Variants in KIAA0753 observed in about 807,000 individuals in gnomAD.
The protein encoded by KIAA0753 is KIAA0753, also known as protein moonraker.
Under a neutral mutation model 116.9 loss-of-function variants are expected in KIAA0753, and 114 were observed. That is an observed-to-expected ratio of 0.98 (90% CI 0.84 to 1.14). KIAA0753 has a LOEUF of 1.14. KIAA0753 is among the 50% of genes most tolerant of loss of function. The pLI, the probability that KIAA0753 is intolerant of heterozygous loss-of-function variation, is 0.00. For synonymous variants in KIAA0753, 405 were observed against 413.1 expected (o/e 0.98, Z 0.24); for missense variants, 1,156 against 1,172.4 (o/e 0.99, Z 0.20).
At chr17:6,623,748 G>A in intron 4 of KIAA0753, 177 bp from the exon 5 acceptor site, 1 of 800,706 alleles carries the variant, frequency 1.2e-6, no homozygotes, top group Non-Finnish European at 1.8e-6. Flanking sequence ...CTGGTTTCCA[G>A]TTCAAGATAG....
chr17:6,625,143 C>T (rs1185113938), intron 3 of KIAA0753, among the ~76,000 whole-genome samples: 2 of 152,220 alleles, frequency 1.3e-5, no homozygotes, highest in Admixed American at 6.5e-5. Flanking sequence ...CACTATGAGG[C>T]ACCTCTTACT....
chr17:6,598,356 T>C (rs1226835333), intron 14 of KIAA0753, among the ~76,000 whole-genome samples: 1 of 152,234 alleles, frequency 6.6e-6, no homozygotes, highest in Admixed American at 6.5e-5. Flanking sequence ...GATTATGTCA[T>C]AAAACCTTGG....
intron 8 of KIAA0753, among the ~76,000 whole-genome samples, chr17:6,610,461 CAA>C (rs1400743531): frequency 6.9e-6 from 1 of 145,216 alleles, no homozygotes; most frequent in Non-Finnish European, 1.5e-5. Context: ...CCTAATTAAA[CAA>C]AAAAAATTTC....
chr17:6,590,804 A>G (rs1421310926), intron 16 of KIAA0753, among the ~76,000 whole-genome samples, 174 bp from the exon 17 acceptor site: 5 of 152,166 alleles, frequency 3.3e-5, no homozygotes, highest in Admixed American at 3.3e-4. Flanking sequence ...AGGTGAATTT[A>G]TATGTTACAA....
intron 17 of KIAA0753, among the ~76,000 whole-genome samples, 183 bp from the exon 18 acceptor site, chr17:6,590,186 T>C (rs1037581485): frequency 1.3e-5 from 2 of 152,184 alleles, no homozygotes; most frequent in African/African-American, 4.8e-5. Context: ...ACCCTCAACA[T>C]GTGGGACTAT....
intron 18 of KIAA0753, among the ~76,000 whole-genome samples, chr17:6,581,073 C>G (rs926948364): frequency 6.6e-6 from 1 of 152,206 alleles, no homozygotes; most frequent in Non-Finnish European, 1.5e-5. Context: ...ACAGGCCTAT[C>G]TATCTACAGG....
At chr17:6,609,755 T>G (rs567361319) in intron 9 of KIAA0753, among the ~76,000 whole-genome samples, 1 of 152,246 alleles carries the variant, frequency 6.6e-6, no homozygotes, top group East Asian at 1.9e-4. Flanking sequence ...CAATCACACA[T>G]GTCCCGGTGT....
At chr17:6,623,428 G>T in intron 5 of KIAA0753, 81 bp downstream of exon 5, 1 of 1,107,974 alleles carries the variant, frequency 9.0e-7, no homozygotes, top group Non-Finnish European at 1.3e-6. Flanking sequence ...CATTAGTGCA[G>T]AGGGCCCTAC....
intron 18 of KIAA0753, among the ~76,000 whole-genome samples, chr17:6,587,687 G>A (rs73342610): frequency 0.023 from 3,558 of 152,240 alleles, 156 homozygotes; most frequent in African/African-American, 0.081. Flanking sequence ...CCAGAACAAA[G>A]CATCTTATAT....
In KIAA0753 at chr17:6,612,009, G is replaced by A. The variant is rs369191681; in HGVS notation, c.1455C>T (p.Ala485=). The A allele has an allele frequency of 4.2e-5, 67 of 1,613,942 alleles. No homozygotes were observed. Among genetic ancestry groups the A allele is most frequent in the Middle Eastern group, 1.6e-4 (1 of 6,084 alleles). The change falls in exon 8 of 19, where the codon GCC becomes GCT. Residue 485 remains alanine (A), a synonymous_variant. Coordinates refer to ENST00000361413, the MANE Select transcript of KIAA0753 (RefSeq NM_014804.3). Reference sequence around the variant, plus strand: ...TTTTCCCTGCTTTTGTTTTTGCCACGGCTAACACCTCGTCTTTGAAGCTTG... The same window carrying A: ...TTTTCCCTGCTTTTGTTTTTGCCACAGCTAACACCTCGTCTTTGAAGCTTG... ...QSASFKDEVL[A]VAKTKAGKKK...
intron 3 of KIAA0753, among the ~76,000 whole-genome samples, chr17:6,626,425 G>A (rs1293485513): frequency 6.6e-6 from 1 of 152,218 alleles, no homozygotes; most frequent in Non-Finnish European, 1.5e-5. Flanking sequence ...TACAGATGCA[G>A]TCTCAAGAGA....
intron 4 of KIAA0753, 43 bp from the exon 5 acceptor site, chr17:6,623,614 T>C (rs1971470448): frequency 1.9e-6 from 3 of 1,581,410 alleles, no homozygotes; most frequent in Non-Finnish European, 2.6e-6. Context: ...TACCTTTCCA[T>C]TGATCTTTTT....
chr17:6,586,760 C>T (rs1400397729), intron 18 of KIAA0753, among the ~76,000 whole-genome samples: 2 of 152,110 alleles, frequency 1.3e-5, no homozygotes, highest in Admixed American at 6.6e-5. Context: ...GTTTATATCA[C>T]CTGCTCAAGC....
rs1455443277 is a variant in KIAA0753, at chr17:6,620,869, C to A, written c.1234G>T (p.Gly412Cys). 4 of 1,614,028 alleles carry A rather than the reference C, an allele frequency of 2.5e-6. No homozygotes were observed. The African/African-American group carries it at 5.3e-5, about 22-fold the overall frequency. ...TTTGCTGTGAGGGGCCTCCTCTCAC[C>A]CTTTGGTGATGTACTTGGCCATCTC... ...LERWPSTSPK[G>C]ERRPLTAKDT... The change falls in exon 7 of 19, where the codon GGT becomes TGT. Residue 412 changes from glycine to cysteine, a missense_variant. By Grantham distance (159) the Gly-to-Cys change is radical. Coordinates refer to ENST00000361413, the MANE Select transcript of KIAA0753 (RefSeq NM_014804.3).
Position 6,596,152 on chromosome 17 carries a change from C to T in KIAA0753, c.2358+6G>A. 1 of 1,612,330 alleles carries T rather than the reference C, an allele frequency of 6.2e-7. No homozygotes were observed. Among genetic ancestry groups the T allele is most frequent in the East Asian group, 2.2e-5 (1 of 44,836 alleles). On this transcript the variant is annotated splice_donor_region_variant and intron_variant, in intron 15 of 18. Coordinates refer to ENST00000361413, the MANE Select transcript of KIAA0753 (RefSeq NM_014804.3). ...AGCGAACCAGACCCGGAGCCCCAGA[C>T]CTTACTTCCATCTCTTCCATTCGGC...
Position 6,628,517 on chromosome 17 carries a change from T to A in KIAA0753, c.318A>T (p.Arg106Ser). The A allele has an allele frequency of 6.2e-7, 1 of 1,614,248 alleles. No individual in the cohort carries two copies. Among genetic ancestry groups the A allele is most frequent in the Non-Finnish European group, 8.5e-7 (1 of 1,180,046 alleles). ...RLSYAVHLAR[R>S]DVKRRQFEKH... is the part of the protein sequence containing the mutation. ...TTTCAAATTGTCTTCGTTTCACATCTCTTCTGGCTAGGTGGACAGCATAGC... is the reference window on the plus strand; with the variant it reads ...TTTCAAATTGTCTTCGTTTCACATCACTTCTGGCTAGGTGGACAGCATAGC... Residue 106 changes from arginine to serine, a missense_variant, in exon 3 of 19, where the codon AGA (arginine) becomes AGT (serine). Arg to Ser is a moderately radical substitution (Grantham distance 110). Coordinates refer to ENST00000361413, the MANE Select transcript of KIAA0753 (RefSeq NM_014804.3).
intron 2 of KIAA0753, among the ~76,000 whole-genome samples, chr17:6,631,140 C>A: frequency 6.6e-6 from 1 of 151,946 alleles, no homozygotes. Context: ...AAAAAAAATC[C>A]ATAAGGATAG....
intron 2 of KIAA0753, among the ~76,000 whole-genome samples, chr17:6,633,973 T>C (rs1972156535): frequency 6.6e-6 from 1 of 151,998 alleles, no homozygotes; most frequent in Admixed American, 6.6e-5. Context: ...GTTACACATA[T>C]GTATGCATTT....
At chr17:6,593,649 A>G (rs1179631126) in intron 16 of KIAA0753, among the ~76,000 whole-genome samples, 4 of 152,236 alleles carry the variant, frequency 2.6e-5, no homozygotes, top group African/African-American at 7.2e-5. Context: ...GCACTGTGGG[A>G]GGCCGAGGTG....
Sources: allele counts gnomAD v4.1 joint callset (sites outside exome capture counted in the v4.1 genomes callset), GRCh38; gene constraint gnomAD v4.1.1; transcripts MANE v1.5; gene names NCBI Gene and HGNC (gene_info 2026-07-23, HGNC 2026-07-21).